RHCE: variants seen among roughly 807,000 people sequenced by gnomAD.
RHCE encodes the protein Rh blood group CcEe antigens, also known as blood group Rh(CE) polypeptide.
A neutral mutation model predicts 43.8 loss-of-function variants in RHCE; 22 were observed. The ratio of observed to expected loss-of-function variants is 0.50; its 90% CI spans 0.36 to 0.72. RHCE has a LOEUF of 0.72. RHCE is among the 30% of genes least tolerant of loss of function. The pLI is 0.00. For missense variants in RHCE, 385 were observed against 525.4 expected (o/e 0.73, Z 2.61); for synonymous variants, 156 against 210.7 (o/e 0.74, Z 2.25).
chr1:25,383,735 C>T (rs1241245226), intron 7 of RHCE, among the ~76,000 whole-genome samples: 1 of 152,038 alleles, frequency 6.6e-6, no homozygotes, highest in African/African-American at 2.4e-5. Flanking sequence ...AACTCACTCA[C>T]CCTGATGAGA....
intron 2 of RHCE, among the ~76,000 whole-genome samples, chr1:25,403,938 C>A (rs2124481947): frequency 6.6e-6 from 1 of 151,614 alleles, no homozygotes; most frequent in East Asian, 1.9e-4. Flanking sequence ...GAGGCCAAGG[C>A]AGGTGGATCA....
intron 1 of RHCE, among the ~76,000 whole-genome samples, chr1:25,411,080 A>C (rs1234164663): frequency 6.6e-6 from 1 of 151,376 alleles, no homozygotes; most frequent in Non-Finnish European, 1.5e-5. Context: ...CGACACAGTG[A>C]GACTCTGTCT....
intron 3 of RHCE, among the ~76,000 whole-genome samples, chr1:25,400,038 G>A (rs1646683127): frequency 6.6e-6 from 1 of 151,884 alleles, no homozygotes; most frequent in Non-Finnish European, 1.5e-5. Context: ...TCCCTGCATC[G>A]GCCTAAAGGT....
chr1:25,408,792 T>C lies in RHCE; in HGVS notation c.226A>G (p.Ser76Gly), dbSNP rs1331026964. ...AGCATGAAGAGGTTGAAGGCCACACTGCTCCAGCTGTGTCTCCGGAAATTT... is the reference window on the plus strand; with the variant it reads ...AGCATGAAGAGGTTGAAGGCCACACCGCTCCAGCTGTGTCTCCGGAAATTT... ...TSNFRRHSWS[S>G]VAFNLFMLAL... The change falls in exon 2 of 10, where the codon AGT becomes GGT. Residue 76 changes from serine to glycine, a missense_variant. Physicochemically the swap from Ser to Gly is moderately conservative, Grantham distance 56. Transcript: ENST00000294413. 7.8e-7 allele frequency: 1 copy of C among 1,282,612 alleles called. No individual in the cohort carries two copies. Among genetic ancestry groups the C allele is most frequent in the East Asian group, 4.2e-5 (1 of 23,848 alleles). The allele number at this position is 1,282,612 out of a possible 1,614,324, so 79.5% of individuals were successfully genotyped here.
intron 7 of RHCE, among the ~76,000 whole-genome samples, chr1:25,385,309 C>G (rs1646118616): frequency 1.3e-5 from 2 of 152,134 alleles, no homozygotes; most frequent in Non-Finnish European, 2.9e-5. Flanking sequence ...TCTCCATTTA[C>G]AAGGGGGCGA....
Position 25,383,799 on chromosome 1 carries a change from T to G in RHCE, c.1073+1912A>C, listed in dbSNP as rs1258103382. 2.0e-5 allele frequency among the ~76,000 whole-genome samples: 3 copies of G among 152,182 alleles called. No individual in the cohort carries two copies. In the East Asian group the frequency reaches 5.8e-4, roughly 29 times the overall value. On this transcript the variant is annotated intron_variant, in intron 7 of 9. Transcript: ENST00000294413. ...GTTCCCATAGGCTCAGTGGGCTGAT[T>G]GTTCTCATCTCTTCCCAAGTCCATG...
At position 25,391,986 on chromosome 1, in the gene RHCE, G is replaced by A; in HGVS notation, c.634+8C>T. On this transcript the variant is annotated splice_region_variant and intron_variant, in intron 4 of 9. Transcript: ENST00000294413. Reference sequence around the variant, plus strand: ...AGTATGAGACCACTCACCCCACCTTGTCCTTACCCAGCATGGCAGACAAAC... The same window carrying A: ...AGTATGAGACCACTCACCCCACCTTATCCTTACCCAGCATGGCAGACAAAC... 1 of 1,613,684 alleles carries A rather than the reference G, an allele frequency of 6.2e-7. No homozygotes were observed.
At chr1:25,428,784 T>C (rs1215419161) in intron 2 of RHCE, among the ~76,000 whole-genome samples, 4 of 152,222 alleles carry the variant, frequency 2.6e-5, no homozygotes, top group Admixed American at 2.0e-4. Flanking sequence ...CTGCAGGGTA[T>C]AGATTTGATC....
chr1:25,401,010 C>T lies in RHCE; in HGVS notation c.486+1586G>A, dbSNP rs371478434. On this transcript the variant is annotated intron_variant, in intron 3 of 9. Coordinates refer to ENST00000294413, the MANE Select transcript of RHCE (RefSeq NM_020485.8). ...CCATCACTGCTGCTCTGGTCTCCAC[C>T]TGCTTCCTCTCTTGCCCCTTCAGTC... 1.1e-4 allele frequency among the ~76,000 whole-genome samples: 16 copies of T among 152,310 alleles called. No individual in the cohort carries two copies. The South Asian group carries it at 3.3e-3, about 32-fold the overall frequency.
chr1:25,376,636 C>T (rs1446349613), intron 7 of RHCE, among the ~76,000 whole-genome samples: 2 of 152,092 alleles, frequency 1.3e-5, no homozygotes, highest in Non-Finnish European at 2.9e-5. Flanking sequence ...AAATTAAGGC[C>T]GGGTGTGGTG....
At chr1:25,379,495 ATTTTTTTTTTTTTT>A (rs770791604) in intron 7 of RHCE, among the ~76,000 whole-genome samples, 48 of 27,056 alleles carry the variant, frequency 1.8e-3, no homozygotes, top group African/African-American at 4.4e-3. Flanking sequence ...ATATATATAT[ATTTTTTTTTTTTTT>A]TTTTTTTTTT....
intron 1 of RHCE, among the ~76,000 whole-genome samples, chr1:25,415,814 G>A (rs1647367167): frequency 6.6e-6 from 1 of 151,498 alleles, no homozygotes; most frequent in Admixed American, 6.6e-5. Context: ...AAGATACAGA[G>A]GCAAGATTTG....
intron 1 of RHCE, among the ~76,000 whole-genome samples, chr1:25,411,836 T>C (rs975650998): frequency 6.6e-6 from 1 of 152,222 alleles, no homozygotes; most frequent in African/African-American, 2.4e-5. Flanking sequence ...GGAGACTGCA[T>C]GCCCCACTTC....
intron 6 of RHCE, among the ~76,000 whole-genome samples, chr1:25,387,085 G>A (rs540400204): frequency 1.3e-5 from 2 of 152,268 alleles, no homozygotes; most frequent in South Asian, 2.1e-4. Flanking sequence ...AGCCCAGGAA[G>A]TGTGCCTGAG....
Position 25,402,753 on chromosome 1 carries a change from G to C in RHCE, c.336-7C>G. 1 of 1,614,204 alleles carries C rather than the reference G, an allele frequency of 6.2e-7. No homozygotes were observed. The highest frequency in any genetic ancestry group is 8.5e-7 in the Non-Finnish European group (1 of 1,180,036). On this transcript the variant is annotated splice_polypyrimidine_tract_variant and splice_region_variant and intron_variant, in intron 2 of 9. Transcript: ENST00000294413. ...CATGGTGGCCAGCCGAATACTGGGG[G>C]TGAGAAGGAGAGCCAGGATGACTGA... is the stretch of plus-strand genomic sequence containing the variant.
chr1:25,371,945 G>A (rs534921311), intron 8 of RHCE, among the ~76,000 whole-genome samples: 4 of 148,208 alleles, frequency 2.7e-5, no homozygotes, highest in East Asian at 1.9e-4. Context: ...CCAGCATGAC[G>A]CAGTTATTAG....
upstream of RHCE, among the ~76,000 whole-genome samples, chr1:25,421,702 T>C (rs2042761971): frequency 6.6e-6 from 1 of 152,042 alleles, no homozygotes; most frequent in Admixed American, 6.6e-5. Flanking sequence ...CTCCCATCCA[T>C]GTGCCTGGCA....
chr1:25,392,218 A>C, intron 3 of RHCE, 77 bp from the exon 4 acceptor site: 1 of 1,610,818 alleles, frequency 6.2e-7, no homozygotes, highest in South Asian at 1.1e-5. Context: ...CCTTGGAGAA[A>C]GTTCAGAGCT....
At chr1:25,392,339 G>A (rs2124431886) in intron 3 of RHCE, among the ~76,000 whole-genome samples, 198 bp from the exon 4 acceptor site, 1 of 152,320 alleles carries the variant, frequency 6.6e-6, no homozygotes, top group East Asian at 1.9e-4. Flanking sequence ...TCGGCTCACT[G>A]GAACATTTGC....
Sources: allele counts gnomAD v4.1 joint callset (sites outside exome capture counted in the v4.1 genomes callset), GRCh38; gene constraint gnomAD v4.1.1; transcripts MANE v1.5; gene names NCBI Gene and HGNC (gene_info 2026-07-23, HGNC 2026-07-21).